DPY19L3: variants seen among roughly 807,000 people sequenced by gnomAD.
The protein encoded by DPY19L3 is dpy-19 like C-mannosyltransferase 3, also known as protein C-mannosyl-transferase DPY19L3.
In DPY19L3, 51 loss-of-function variants were observed where a neutral mutation model predicts 92.3. The ratio of observed to expected loss-of-function variants is 0.55; its 90% CI spans 0.44 to 0.70. DPY19L3 has a LOEUF of 0.70. DPY19L3 is among the 30% of genes least tolerant of loss of function. DPY19L3 has a pLI of 0.00. For missense variants in DPY19L3, 706 were observed against 855.9 expected (o/e 0.82, Z 2.18); for synonymous variants, 309 against 315.2 (o/e 0.98, Z 0.21).
intron 8 of DPY19L3, among the ~76,000 whole-genome samples, chr19:32,441,071 A>G (rs993952697): frequency 6.6e-6 from 1 of 152,212 alleles, no homozygotes; most frequent in South Asian, 2.1e-4. Context: ...ATACACTCCT[A>G]TAATCTTTCT....
intron 16 of DPY19L3, among the ~76,000 whole-genome samples, chr19:32,470,296 A>T (rs1286829226): frequency 6.6e-6 from 1 of 152,236 alleles, no homozygotes; most frequent in Non-Finnish European, 1.5e-5. Context: ...AGGAAAGCTA[A>T]TTACTTTTGC....
At chr19:32,426,145 TC>T (rs971191146) in intron 3 of DPY19L3, among the ~76,000 whole-genome samples, 1 of 152,206 alleles carries the variant, frequency 6.6e-6, no homozygotes, top group Admixed American at 6.5e-5. Context: ...GATGGCTACT[TC>T]CCCTCAACCT....
At chr19:32,418,404 A>G (rs1968448811) in intron 3 of DPY19L3, among the ~76,000 whole-genome samples, 1 of 152,246 alleles carries the variant, frequency 6.6e-6, no homozygotes, top group Non-Finnish European at 1.5e-5. Flanking sequence ...AATGAAGGAA[A>G]TGTTCAGTGT....
At chr19:32,454,327 C>T (rs982245740) in intron 9 of DPY19L3, among the ~76,000 whole-genome samples, 4 of 152,132 alleles carry the variant, frequency 2.6e-5, no homozygotes, top group South Asian at 2.1e-4. Context: ...GTAATCCCAG[C>T]GCTTTGGGAG....
chr19:32,444,061 C>A (rs1419390571), intron 8 of DPY19L3, among the ~76,000 whole-genome samples: 3 of 150,464 alleles, frequency 2.0e-5, no homozygotes, highest in Admixed American at 2.0e-4. Flanking sequence ...AAAAAAAATT[C>A]TTATATTAAG....
In DPY19L3 at chr19:32,458,100, A is replaced by G. The variant is rs755874128; in HGVS notation, c.1090A>G (p.Lys364Glu). 6.2e-6 allele frequency: 10 copies of G among 1,609,382 alleles called. No homozygotes were observed. The highest frequency in any genetic ancestry group is 1.7e-4 in the Middle Eastern group (1 of 6,054). ...TTTTTGTTTTCTCTTTCCCCGATAG[A>G]AAATTCTTAACCTGAAGTCAGATGA... Reference protein sequence around the residue: ...LTLFLNNIIKKILNLKSDEHI... With the variant: ...LTLFLNNIIKEILNLKSDEHI... The change falls in exon 11 of 19, where the codon AAA becomes GAA. Residue 364 changes from lysine to glutamate, a missense_variant and splice_region_variant. Lys to Glu is a moderately conservative substitution (Grantham distance 56, BLOSUM62 1). Transcript: ENST00000392250.
intron 16 of DPY19L3, among the ~76,000 whole-genome samples, chr19:32,471,467 T>C (rs1970355654): frequency 6.6e-6 from 1 of 152,086 alleles, no homozygotes; most frequent in Admixed American, 6.5e-5. Context: ...ACTAGAGAAA[T>C]AGTGGCCTGT....
At chr19:32,478,739 A>G (rs145253779) in intron 17 of DPY19L3, among the ~76,000 whole-genome samples, 87 of 152,258 alleles carry the variant, frequency 5.7e-4, no homozygotes, top group African/African-American at 2.0e-3. Context: ...CTTCCTTCCT[A>G]TTTTTAAAGC....
At chr19:32,441,394 TACAC>T (rs1359647808) in intron 8 of DPY19L3, among the ~76,000 whole-genome samples, 1 of 151,940 alleles carries the variant, frequency 6.6e-6, no homozygotes, top group African/African-American at 2.4e-5. Context: ...TCTGGAAAAA[TACAC>T]AGTAAAGTAT....
At chr19:32,409,156 A>G (rs569319020) in intron 2 of DPY19L3, among the ~76,000 whole-genome samples, 62 of 152,346 alleles carry the variant, frequency 4.1e-4, no homozygotes, top group African/African-American at 1.5e-3. Context: ...GGATAATAGT[A>G]CTTTCTGAAC....
intron 17 of DPY19L3, among the ~76,000 whole-genome samples, chr19:32,480,055 G>A (rs1169734906): frequency 2.6e-5 from 4 of 152,240 alleles, no homozygotes; most frequent in Non-Finnish European, 5.9e-5. Context: ...TTTAAAGGTA[G>A]AGACTGTGTC....
At chr19:32,425,122 T>C (rs1470837999) in intron 3 of DPY19L3, among the ~76,000 whole-genome samples, 1 of 152,204 alleles carries the variant, frequency 6.6e-6, no homozygotes, top group East Asian at 1.9e-4. Flanking sequence ...ATAAAACATT[T>C]AGAAGAAAAT....
intron 15 of DPY19L3, among the ~76,000 whole-genome samples, chr19:32,465,002 T>G (rs1356038447): frequency 6.6e-6 from 1 of 152,336 alleles, no homozygotes; most frequent in Admixed American, 6.5e-5. Context: ...ACTATAGCAT[T>G]TAATAATTCT....
rs922658821 is a variant in DPY19L3 at position 32,463,283 on chromosome 19, A to C, written c.1323-83A>C. On this transcript the variant is annotated intron_variant, in intron 12 of 18. Transcript: ENST00000392250. Reference sequence around the variant, plus strand: ...AATTTCTGAATACATAAAGGCATACATTTCTTGTATCTTCTTCTTTTACAA... The same window carrying C: ...AATTTCTGAATACATAAAGGCATACCTTTCTTGTATCTTCTTCTTTTACAA... The C allele has an allele frequency of 3.4e-6, 5 of 1,473,388 alleles. No individual in the cohort carries two copies. In the African/African-American group the frequency reaches 7.0e-5, roughly 21 times the overall value. 91.3% of individuals were successfully genotyped at this position (1,473,388 alleles called of 1,614,324 possible).
At chr19:32,473,645 A>T (rs539711283) in intron 16 of DPY19L3, among the ~76,000 whole-genome samples, 2 of 152,102 alleles carry the variant, frequency 1.3e-5, no homozygotes, top group Non-Finnish European at 2.9e-5. Flanking sequence ...TTCCTTTGGC[A>T]TTTGCCTTAC....
chr19:32,445,455 A>AAAAAAAAAAAAC (rs1050167060), intron 8 of DPY19L3, among the ~76,000 whole-genome samples: 1 of 149,374 alleles, frequency 6.7e-6, no homozygotes, highest in African/African-American at 2.5e-5. Context: ...AAAAAAAAAA[A>AAAAAAAAAAAAC]AAAAAACCAT....
chr19:32,460,646 T>TC (rs1970008963), intron 12 of DPY19L3, among the ~76,000 whole-genome samples: 1 of 152,164 alleles, frequency 6.6e-6, no homozygotes, highest in Non-Finnish European at 1.5e-5. Context: ...GGCTATGATG[T>TC]CACTAGGCAA....
At chr19:32,458,205 T>G (rs761381427) in intron 11 of DPY19L3, 32 bp downstream of exon 11, 1 of 1,600,612 alleles carries the variant, frequency 6.2e-7, no homozygotes, top group Non-Finnish European at 8.5e-7. Flanking sequence ...ATGTTTGCTA[T>G]TTTCTATTGA....
At chr19:32,423,187 T>C (rs1024081961) in intron 3 of DPY19L3, among the ~76,000 whole-genome samples, 2 of 152,158 alleles carry the variant, frequency 1.3e-5, no homozygotes, top group Non-Finnish European at 2.9e-5. Flanking sequence ...AAAATGTGTA[T>C]GATATAAATA....
Sources: gnomAD v4.1 joint callset for allele counts (sites outside exome capture counted in the v4.1 genomes callset) on GRCh38, gnomAD v4.1.1 for gene constraint, MANE v1.5 for transcripts, NCBI Gene and HGNC (gene_info 2026-07-23, HGNC 2026-07-21) for gene names.